Variants in GABRG1 observed in about 807,000 individuals in gnomAD.
GABRG1 encodes gamma-aminobutyric acid type A receptor subunit gamma1.
A neutral mutation model predicts 49.8 loss-of-function variants in GABRG1; 49 were observed. The ratio of observed to expected loss-of-function variants is 0.98; its 90% confidence interval spans 0.78 to 1.25. GABRG1 has a LOEUF of 1.25. Ranked by LOEUF, GABRG1 falls within the 50% of genes most tolerant of loss-of-function variation. The probability of loss-of-function intolerance (pLI) is 0.00; values close to 1 mark genes in which losing one functional copy is unlikely to be tolerated. For synonymous variants in GABRG1, 232 were observed against 185.1 expected (o/e 1.25, Z -2.06); for missense variants, 552 against 552.3 (o/e 1.00, Z 0.01).
At chr4:46,113,472 G>A (rs1720784720) in intron 1 of GABRG1, among the ~76,000 whole-genome samples, 1 of 150,824 alleles carries the variant, frequency 6.6e-6, no homozygotes, top group Non-Finnish European at 1.5e-5. Context: ...TGACACTTGG[G>A]GATTATGGGG....
chr4:46,089,121 A>G (rs1719889851), intron 2 of GABRG1, among the ~76,000 whole-genome samples: 1 of 151,990 alleles, frequency 6.6e-6, no homozygotes, highest in African/African-American at 2.4e-5. Context: ...TTTGACCTCA[A>G]GAGAGTTGTG....
At position 46,058,180 on chromosome 4, in the gene GABRG1, G is replaced by T. The variant is rs745868816; in HGVS notation, c.916+37C>A. On this transcript the variant is annotated intron_variant, in intron 7 of 8. Coordinates refer to ENST00000295452, the MANE Select transcript of GABRG1 (RefSeq NM_173536.4). ...TATCACATCAAAATGATTTTTTAAA[G>T]TTCTATGGCATTATAGCATAATATT... 3 of 1,564,524 alleles carry T rather than the reference G, an allele frequency of 1.9e-6. No homozygotes were observed. In the South Asian group the frequency reaches 3.5e-5, roughly 18 times the overall value.
At chr4:46,047,164 T>C (rs1442738894) in intron 8 of GABRG1, among the ~76,000 whole-genome samples, 1 of 152,060 alleles carries the variant, frequency 6.6e-6, no homozygotes, top group Non-Finnish European at 1.5e-5. Context: ...ATACTGAATA[T>C]TATATTTTGT....
At chr4:46,087,618 A>G (rs1439680363) in intron 2 of GABRG1, among the ~76,000 whole-genome samples, 1 of 151,870 alleles carries the variant, frequency 6.6e-6, no homozygotes, top group Non-Finnish European at 1.5e-5. Context: ...AGTTAACAGA[A>G]AACCTATAGT....
chr4:46,071,813 T>C (rs1719135355), intron 3 of GABRG1, among the ~76,000 whole-genome samples: 1 of 152,038 alleles, frequency 6.6e-6, no homozygotes, highest in South Asian at 2.1e-4. Flanking sequence ...TTTTAAGCTG[T>C]TATGAAAATG....
At chr4:46,082,575 T>C (rs1227510313) in intron 3 of GABRG1, among the ~76,000 whole-genome samples, 1 of 151,764 alleles carries the variant, frequency 6.6e-6, no homozygotes, top group Non-Finnish European at 1.5e-5. Flanking sequence ...CCAGCTGTTA[T>C]CCCTTTCCTG....
At chr4:46,082,291 G>A (rs1560363351) in intron 3 of GABRG1, among the ~76,000 whole-genome samples, 1 of 151,408 alleles carries the variant, frequency 6.6e-6, no homozygotes, top group Non-Finnish European at 1.5e-5. Context: ...GTCTTTTCTT[G>A]ATATTTTCTC....
At chr4:46,122,036 G>A (rs78479115) in intron 1 of GABRG1, among the ~76,000 whole-genome samples, 2,907 of 152,134 alleles carry the variant, frequency 0.019, 99 homozygotes, top group African/African-American at 0.066. Flanking sequence ...GAAATCATAT[G>A]TGGTCTAGTA....
intron 1 of GABRG1, among the ~76,000 whole-genome samples, chr4:46,102,490 A>T (rs568063699): frequency 2.0e-5 from 3 of 151,718 alleles, no homozygotes; most frequent in South Asian, 2.1e-4. Flanking sequence ...CGTTTCAAAC[A>T]TCTTTGTTAC....
chr4:46,109,325 A>G (rs1324798540), intron 1 of GABRG1, among the ~76,000 whole-genome samples: 1 of 150,912 alleles, frequency 6.6e-6, no homozygotes, highest in Non-Finnish European at 1.5e-5. Context: ...CCATAATAGT[A>G]TCAGAGGATC....
rs752284487 is a variant in GABRG1 at position 46,051,425 on chromosome 4, G to A, written c.1130C>T (p.Ser377Leu). Reference protein sequence around the residue: ...TKDRKLKNKASMTPGLHPGST... With the variant: ...TKDRKLKNKALMTPGLHPGST... ...TAGAAATTTTTCTTTTTAACATACC[G>A]AGGCTTTATTTTTTAGCTTTCTGTC... Residue 377 changes from serine (S) to leucine (L), a missense_variant and splice_region_variant, in exon 8 of 9, where the codon TCG becomes TTG. Transcript: ENST00000295452. 22 of 1,596,598 alleles carry A rather than the reference G, an allele frequency of 1.4e-5. No homozygotes were observed. Among genetic ancestry groups the A allele is most frequent in the East Asian group, 9.0e-5 (4 of 44,536 alleles).
At chr4:46,115,524 T>C (rs1357845500) in intron 1 of GABRG1, among the ~76,000 whole-genome samples, 2 of 150,666 alleles carry the variant, frequency 1.3e-5, no homozygotes, top group African/African-American at 4.8e-5. Flanking sequence ...AAAAATAAAG[T>C]TGAGTAAAAA....
intron 1 of GABRG1, among the ~76,000 whole-genome samples, chr4:46,117,268 G>A (rs1055420064): frequency 1.1e-4 from 17 of 150,426 alleles, no homozygotes; most frequent in African/African-American, 3.6e-4. Context: ...CTATTGCATA[G>A]CACAATCTCT....
At chr4:46,094,190 A>C (rs1355167272) in intron 2 of GABRG1, among the ~76,000 whole-genome samples, 2 of 152,068 alleles carry the variant, frequency 1.3e-5, no homozygotes, top group Non-Finnish European at 2.9e-5. Flanking sequence ...GTATATAAAA[A>C]AAAGAGAAAA....
chr4:46,049,810 C>T (rs1333253001), intron 8 of GABRG1, among the ~76,000 whole-genome samples: 2 of 151,858 alleles, frequency 1.3e-5, no homozygotes, highest in Non-Finnish European at 2.9e-5. Context: ...ACATGATCTG[C>T]GGTCAAACTG....
intron 2 of GABRG1, among the ~76,000 whole-genome samples, chr4:46,095,137 T>C (rs1720125541): frequency 6.6e-6 from 1 of 151,768 alleles, no homozygotes; most frequent in Admixed American, 6.6e-5. Flanking sequence ...GACAAAATTA[T>C]GATGGTCACC....
At chr4:46,100,682 G>C (rs1720349288) in intron 1 of GABRG1, among the ~76,000 whole-genome samples, 2 of 125,904 alleles carry the variant, frequency 1.6e-5, no homozygotes, top group African/African-American at 2.9e-5. Context: ...CTTGAATAAT[G>C]ATTGCAATCA....
intron 8 of GABRG1, among the ~76,000 whole-genome samples, chr4:46,043,449 C>T (rs1478929442): frequency 6.6e-6 from 1 of 151,672 alleles, no homozygotes; most frequent in Non-Finnish European, 1.5e-5. Flanking sequence ...CAGAAATGGA[C>T]ATATAAATGC....
intron 8 of GABRG1, among the ~76,000 whole-genome samples, chr4:46,048,128 A>G (rs1047535628): frequency 3.3e-5 from 5 of 152,038 alleles, no homozygotes; most frequent in African/African-American, 1.2e-4. Flanking sequence ...CTAGTTTATT[A>G]CTAGTGCCTT....
Sources: allele counts gnomAD v4.1 joint callset (sites outside exome capture counted in the v4.1 genomes callset), GRCh38; gene constraint gnomAD v4.1.1; transcripts MANE v1.5; gene names NCBI Gene and HGNC (gene_info 2026-07-23, HGNC 2026-07-21).